MACROH2A2: variants seen among roughly 807,000 people sequenced by gnomAD.
MACROH2A2 encodes core histone macro-H2A.2.
In MACROH2A2, 6 loss-of-function variants were observed where a neutral mutation model predicts 37.6. The ratio of observed to expected loss-of-function variants is 0.16; its 90% CI spans 0.09 to 0.32. The LOEUF (loss-of-function observed/expected upper bound fraction) is 0.32. Ranked by LOEUF, MACROH2A2 falls within the 10% of genes least tolerant of loss-of-function variation. The probability of loss-of-function intolerance (pLI) is 1.00; values close to 1 mark genes in which losing one functional copy is unlikely to be tolerated. For synonymous variants in MACROH2A2, 192 were observed against 202.7 expected, an observed-to-expected ratio of 0.95 and a Z score of 0.45; for missense variants, 290 against 485.9, an observed-to-expected ratio of 0.60 and a Z score of 3.79.
intron 5 of MACROH2A2, 30 bp downstream of exon 5, chr10:70,093,875 T>A: frequency 8.8e-7 from 1 of 1,135,518 alleles, no homozygotes. Flanking sequence ...TGTGCTATAT[T>A]AAAACACCAC....
chr10:70,086,878 A>T (rs2072215135), intron 2 of MACROH2A2, among the ~76,000 whole-genome samples: 1 of 152,144 alleles, frequency 6.6e-6, no homozygotes, highest in South Asian at 2.1e-4. Context: ...GGAGAGCTGC[A>T]CATTTTAACC....
At chr10:70,106,960 C>T (rs1337352657) in intron 7 of MACROH2A2, among the ~76,000 whole-genome samples, 1 of 152,206 alleles carries the variant, frequency 6.6e-6, no homozygotes, top group Non-Finnish European at 1.5e-5. Flanking sequence ...GAAGATGGCA[C>T]CATGCAGGCA....
rs2071987641 is a variant in MACROH2A2, at chr10:70,053,351, C to T, written c.-60+351C>T. ...TGGACCCGGAGGAAGCGGAGGTCTC[C>T]TGGGAATGCGGAGTTTCGGGCGCAG... is the stretch of plus-strand genomic sequence containing the variant. On this transcript the variant is annotated intron_variant, in intron 1 of 8. Transcript: ENST00000373255. The surrounding 1 kb of genome is among the most constrained non-coding windows in gnomAD (Gnocchi z 4.8). Among the ~76,000 whole-genome samples, 1 of 151,896 alleles carries T rather than the reference C, an allele frequency of 6.6e-6. No homozygotes were observed. Among genetic ancestry groups the T allele is most frequent in the African/African-American group, 2.4e-5 (1 of 41,354 alleles).
intron 1 of MACROH2A2, among the ~76,000 whole-genome samples, chr10:70,072,957 A>AAACAAC (rs371177662): frequency 2.6e-5 from 4 of 151,988 alleles, no homozygotes; most frequent in South Asian, 2.1e-4. Context: ...ACTCCTTCCC[A>AAACAAC]AACAACAACA....
chr10:70,070,414 C>T (rs959894638), intron 1 of MACROH2A2, among the ~76,000 whole-genome samples: 2 of 152,278 alleles, frequency 1.3e-5, no homozygotes, highest in Admixed American at 6.5e-5. Flanking sequence ...TTACAATGTG[C>T]AGGTGGTATG....
At chr10:70,086,024 G>T (rs796582446) in intron 2 of MACROH2A2, among the ~76,000 whole-genome samples, 34 of 150,930 alleles carry the variant, frequency 2.3e-4, no homozygotes, top group African/African-American at 5.8e-4. Context: ...TAGAGGCAGG[G>T]TCTCCTCTGT....
At chr10:70,095,557 GA>G (rs1232809800) in intron 5 of MACROH2A2, 96 bp from the exon 6 acceptor site, 1 of 680,358 alleles carries the variant, frequency 1.5e-6, no homozygotes, top group Non-Finnish European at 2.7e-6. Context: ...CATTGGGTAT[GA>G]ATAATTAAAG....
intron 1 of MACROH2A2, among the ~76,000 whole-genome samples, chr10:70,065,872 C>A (rs774342881): frequency 3.9e-5 from 6 of 152,112 alleles, no homozygotes; most frequent in Non-Finnish European, 8.8e-5. Flanking sequence ...TCAGGTTGAA[C>A]CAACTTATTG....
intron 1 of MACROH2A2, among the ~76,000 whole-genome samples, chr10:70,057,439 TC>T (rs1295280716): frequency 6.6e-6 from 1 of 152,190 alleles, no homozygotes; most frequent in Non-Finnish European, 1.5e-5. Context: ...TCCTGTGATT[TC>T]CAACATTGCA....
chr10:70,075,622 C>T lies in MACROH2A2; in HGVS notation c.-37C>T. On this transcript the variant is annotated 5_prime_UTR_variant, in exon 2 of 9. Coordinates refer to ENST00000373255, the MANE Select transcript of MACROH2A2 (RefSeq NM_018649.3). The surrounding 1 kb of genome is among the most constrained non-coding windows in gnomAD (Gnocchi z 5.0). ...TAGCATTGTGTTAGTGCCGGGAGGC[C>T]ACTGTGTCAGCAAGCTGAGAGGGAA... 6.2e-7 allele frequency: 1 copy of T among 1,604,860 alleles called. No homozygotes were observed. Among genetic ancestry groups the T allele is most frequent in the Non-Finnish European group, 8.5e-7 (1 of 1,172,088 alleles).
At chr10:70,060,731 A>T (rs2072045733) in intron 1 of MACROH2A2, among the ~76,000 whole-genome samples, 2 of 152,234 alleles carry the variant, frequency 1.3e-5, no homozygotes, top group Non-Finnish European at 2.9e-5. Flanking sequence ...TATAACAATA[A>T]ACTGCATTAC....
chr10:70,054,752 A>G (rs1003878727), intron 1 of MACROH2A2, among the ~76,000 whole-genome samples: 3 of 152,218 alleles, frequency 2.0e-5, no homozygotes, highest in Non-Finnish European at 4.4e-5. Flanking sequence ...GTTTTAGCCT[A>G]AAATTACATA....
At chr10:70,057,481 G>A (rs147868686) in intron 1 of MACROH2A2, among the ~76,000 whole-genome samples, 22 of 152,274 alleles carry the variant, frequency 1.4e-4, no homozygotes, top group Admixed American at 1.4e-3. Context: ...ATGGAATTTG[G>A]AGACTACAGG....
chr10:70,087,590 C>G (rs879794750), intron 2 of MACROH2A2, among the ~76,000 whole-genome samples: 1 of 152,138 alleles, frequency 6.6e-6, no homozygotes, highest in Non-Finnish European at 1.5e-5. Context: ...TGGGCAACAG[C>G]CTGAAAGCAC....
At position 70,088,613 on chromosome 10, in the gene MACROH2A2, A is replaced by G. The variant is rs1038687243; in HGVS notation, c.173-1447A>G. ...ACATTGGCCAAGTGGCGTGTTTGTT[A>G]AAGTCAGCCATGCTAAAGTTTTGGG... On this transcript the variant is annotated intron_variant, in intron 2 of 8. Transcript: ENST00000373255. 2.6e-5 allele frequency among the ~76,000 whole-genome samples: 4 copies of G among 152,360 alleles called. No homozygotes were observed. The South Asian group carries it at 8.3e-4, about 32-fold the overall frequency.
intron 8 of MACROH2A2, among the ~76,000 whole-genome samples, chr10:70,109,784 G>A (rs780456395): frequency 4.6e-5 from 7 of 152,150 alleles, no homozygotes; most frequent in Non-Finnish European, 7.4e-5. Flanking sequence ...ATCTGTCCCC[G>A]AGTGATTGCT....
intron 7 of MACROH2A2, among the ~76,000 whole-genome samples, chr10:70,106,554 T>C (rs2072338807): frequency 6.6e-6 from 1 of 152,134 alleles, no homozygotes; most frequent in Admixed American, 6.5e-5. Context: ...CCTAGCACTT[T>C]GGGAGGCCGA....
At chr10:70,080,845 A>G (rs552627664) in intron 2 of MACROH2A2, among the ~76,000 whole-genome samples, 1 of 134,258 alleles carries the variant, frequency 7.4e-6, no homozygotes, top group South Asian at 2.5e-4. Context: ...AGATCACACC[A>G]TTGCACTCCA....
chr10:70,065,939 A>T (rs554093540), intron 1 of MACROH2A2, among the ~76,000 whole-genome samples: 1 of 152,364 alleles, frequency 6.6e-6, no homozygotes, highest in Admixed American at 6.5e-5. Context: ...TGATTTTGAC[A>T]CTAAAAATGT....
Sources: gnomAD v4.1 joint callset for allele counts (sites outside exome capture counted in the v4.1 genomes callset) on GRCh38, gnomAD v4.1.1 for gene constraint, Gnocchi (gnomAD v3.1) non-coding constraint, MANE v1.5 for transcripts, NCBI Gene and HGNC (gene_info 2026-07-23, HGNC 2026-07-21) for gene names.